Variants in HS6ST3 observed in about 807,000 individuals in gnomAD.
The protein encoded by HS6ST3 is heparan sulfate 6-O-sulfotransferase 3.
In HS6ST3, 12 loss-of-function variants were observed where a neutral mutation model predicts 36.7. That is an observed-to-expected ratio of 0.33 (90% CI 0.21 to 0.53). HS6ST3 has a LOEUF of 0.53. Ranked by LOEUF, HS6ST3 falls within the 20% of genes least tolerant of loss-of-function variation. HS6ST3 has a pLI of 0.95. For missense variants in HS6ST3, 584 were observed against 640.9 expected (o/e 0.91, Z 0.96); for synonymous variants, 240 against 257.5 (o/e 0.93, Z 0.65).
intron 1 of HS6ST3, among the ~76,000 whole-genome samples, chr13:96,349,010 T>G (rs563234019): frequency 1.7e-4 from 26 of 152,158 alleles, no homozygotes; most frequent in Non-Finnish European, 3.5e-4. Flanking sequence ...TTCATGCCAA[T>G]TTGTATCCTG....
At chr13:96,297,285 C>T (rs1214477293) in intron 1 of HS6ST3, among the ~76,000 whole-genome samples, 1 of 152,116 alleles carries the variant, frequency 6.6e-6, no homozygotes, top group Non-Finnish European at 1.5e-5. Context: ...TAGTTTTCCA[C>T]AATGACCATT....
At chr13:96,372,567 G>A (rs1413310693) in intron 1 of HS6ST3, among the ~76,000 whole-genome samples, 3 of 152,090 alleles carry the variant, frequency 2.0e-5, no homozygotes, top group South Asian at 2.1e-4. Flanking sequence ...CCAGACCAAT[G>A]TCATGGAACT....
At chr13:96,487,496 A>C (rs925310242) in intron 1 of HS6ST3, among the ~76,000 whole-genome samples, 10 of 152,110 alleles carry the variant, frequency 6.6e-5, no homozygotes, top group African/African-American at 1.9e-4. Context: ...AAAAAACTTG[A>C]ATTTCCACAG....
chr13:96,730,311 C>A (rs1876117583), intron 1 of HS6ST3, among the ~76,000 whole-genome samples: 1 of 152,122 alleles, frequency 6.6e-6, no homozygotes, highest in Non-Finnish European at 1.5e-5. Context: ...TTGCCAGCCA[C>A]TTTTAAATCC....
chr13:96,147,139 G>T (rs1371884987), intron 1 of HS6ST3, among the ~76,000 whole-genome samples: 1 of 152,174 alleles, frequency 6.6e-6, no homozygotes, highest in Non-Finnish European at 1.5e-5. Context: ...AACGTGTTTT[G>T]TTATTCTTGA....
intron 1 of HS6ST3, among the ~76,000 whole-genome samples, chr13:96,739,017 C>A (rs1436204592): frequency 1.3e-5 from 2 of 152,144 alleles, no homozygotes; most frequent in Non-Finnish European, 2.9e-5. Context: ...AATCATTTAG[C>A]AGCATTAAAC....
chr13:96,435,891 A>G (rs900110656), intron 1 of HS6ST3, among the ~76,000 whole-genome samples: 2 of 152,176 alleles, frequency 1.3e-5, no homozygotes, highest in South Asian at 4.1e-4. Flanking sequence ...TCTGTCTTTA[A>G]TGATCTCAAC....
At position 96,535,151 on chromosome 13, in the gene HS6ST3, G is replaced by A. The variant is rs777330882; in HGVS notation, c.708-297339G>A. ...TAGAAGTGTGCCTGGGACTGGGGTA[G>A]AAACATGAATCCAGGAATGGGACAT... On this transcript the variant is annotated intron_variant, in intron 1 of 1. Transcript: ENST00000376705. 9.9e-5 allele frequency among the ~76,000 whole-genome samples: 15 copies of A among 152,122 alleles called. 1 individual carries two copies. Among genetic ancestry groups the A allele is most frequent in the Non-Finnish European group, 1.9e-4 (13 of 68,004 alleles).
intron 1 of HS6ST3, among the ~76,000 whole-genome samples, chr13:96,364,173 C>A (rs984100203): frequency 2.6e-5 from 4 of 152,074 alleles, no homozygotes; most frequent in Non-Finnish European, 5.9e-5. Context: ...CCCATGTACA[C>A]TGCTGGTTGG....
chr13:96,563,939 CT>C (rs1255989293), intron 1 of HS6ST3, among the ~76,000 whole-genome samples: 1 of 152,148 alleles, frequency 6.6e-6, no homozygotes. Flanking sequence ...TTTTCTCCCG[CT>C]TCTATTTGTT....
At chr13:96,141,962 C>G (rs2139317938) in intron 1 of HS6ST3, among the ~76,000 whole-genome samples, 1 of 146,342 alleles carries the variant, frequency 6.8e-6, no homozygotes, top group Non-Finnish European at 1.5e-5. Context: ...AAACCGTGTC[C>G]AGATATGCAT....
chr13:96,285,523 T>C (rs1256639975), intron 1 of HS6ST3, among the ~76,000 whole-genome samples: 2 of 152,158 alleles, frequency 1.3e-5, no homozygotes, highest in Admixed American at 1.3e-4. Flanking sequence ...ATTCTAATAG[T>C]TATCTGCCTT....
intron 1 of HS6ST3, among the ~76,000 whole-genome samples, chr13:96,650,703 A>G (rs189146243): frequency 6.6e-5 from 10 of 152,188 alleles, no homozygotes; most frequent in Admixed American, 6.6e-4. Context: ...GGGTGAATGC[A>G]TGGGGAACCG....
At chr13:96,732,641 G>T (rs1189260053) in intron 1 of HS6ST3, among the ~76,000 whole-genome samples, 2 of 151,610 alleles carry the variant, frequency 1.3e-5, no homozygotes, top group African/African-American at 2.4e-5. Context: ...GGTATTTTTT[G>T]GTTTCATACA....
At chr13:96,705,636 ACCATCCTCTCCCTATTTC>A (rs1875400548) in intron 1 of HS6ST3, among the ~76,000 whole-genome samples, 1 of 152,126 alleles carries the variant, frequency 6.6e-6, no homozygotes, top group Admixed American at 6.5e-5. Context: ...CTCAAGCTTC[ACCATCCTCTCCCTATTTC>A]TCATCCTCAA....
intron 1 of HS6ST3, among the ~76,000 whole-genome samples, chr13:96,257,083 A>G (rs926060888): frequency 6.6e-6 from 1 of 152,194 alleles, no homozygotes; most frequent in Non-Finnish European, 1.5e-5. Flanking sequence ...ATTTCTGAGG[A>G]TGGCCTTTCT....
At chr13:96,145,109 CGTGT>C (rs2054050816) in intron 1 of HS6ST3, among the ~76,000 whole-genome samples, 2 of 5,910 alleles carry the variant, frequency 3.4e-4, no homozygotes, top group Non-Finnish European at 9.0e-4. Context: ...AGTAAACATA[CGTGT>C]GCGTGTGCAT....
At chr13:96,314,771 G>A (rs1054689399) in intron 1 of HS6ST3, among the ~76,000 whole-genome samples, 2 of 152,086 alleles carry the variant, frequency 1.3e-5, no homozygotes, top group Non-Finnish European at 2.9e-5. Flanking sequence ...ATGTACAAAG[G>A]TAATAAAAAT....
At chr13:96,566,322 C>T (rs1276544398) in intron 1 of HS6ST3, among the ~76,000 whole-genome samples, 1 of 152,016 alleles carries the variant, frequency 6.6e-6, no homozygotes, top group Admixed American at 6.6e-5. Context: ...GAATGCACCT[C>T]CTTTGAAAAG....
Sources: allele counts gnomAD v4.1 joint callset (sites outside exome capture counted in the v4.1 genomes callset), GRCh38; gene constraint gnomAD v4.1.1; transcripts MANE v1.5; gene names NCBI Gene and HGNC (gene_info 2026-07-23, HGNC 2026-07-21).